The following STRIP2 variants were observed in gnomAD, a reference collection of about 807,000 sequenced individuals.
STRIP2 encodes the protein striatin-interacting protein 2.
A neutral mutation model predicts 107.1 loss-of-function variants in STRIP2; 84 were observed. That is an observed-to-expected ratio of 0.78 (90% confidence interval 0.66 to 0.94). The LOEUF is 0.94. Ranked by LOEUF, STRIP2 falls within the 40% of genes least tolerant of loss-of-function variation. The probability of loss-of-function intolerance (pLI) is 0.00; values close to 1 mark genes in which losing one functional copy is unlikely to be tolerated. For synonymous variants in STRIP2, 394 were observed against 400.4 expected (o/e 0.98, Z 0.19); for missense variants, 888 against 1,034.2 (o/e 0.86, Z 1.94).
intron 18 of STRIP2, among the ~76,000 whole-genome samples, chr7:129,477,144 C>A (rs954835617): frequency 1.5e-5 from 2 of 135,970 alleles, no homozygotes; most frequent in Non-Finnish European, 3.1e-5. Flanking sequence ...AGCTTCCGCT[C>A]GGCATCAGAG....
rs200024232 is a variant in STRIP2, at chr7:129,458,387, A to G, written c.1211A>G (p.Gln404Arg). The G allele has an allele frequency of 1.2e-4, 200 of 1,613,490 alleles. No individual in the cohort carries two copies. The highest frequency in any genetic ancestry group is 6.0e-4 in the Admixed American group (36 of 59,906). The change falls in exon 10 of 21, where the codon CAG (glutamine) becomes CGG (arginine). Residue 404 changes from glutamine (Q) to arginine (R), a missense_variant. Coordinates refer to ENST00000249344, the MANE Select transcript of STRIP2 (RefSeq NM_020704.3). This position sits in a 1 kb window ranked among gnomAD's most constrained non-coding sequence, Gnocchi z 4.6. The stretch of plus-strand genomic sequence containing the variant: ...CCTCTGGTGCCACCTCCACCCTCAC[A>G]GGCACCCCTCTCTGCTGAGCGGGTG... ...QDPLVPPPPS[Q>R]APLSAERVAF... is the part of the protein sequence containing the mutation.
chr7:129,464,121 T>C lies in STRIP2; in HGVS notation c.1629T>C (p.Asp543=). The C allele has an allele frequency of 2.5e-6, 4 of 1,612,552 alleles. No homozygotes were observed. Among genetic ancestry groups the C allele is most frequent in the South Asian group, 1.1e-5 (1 of 91,038 alleles). The change falls in exon 15 of 21, where the codon GAT becomes GAC. Residue 543 remains aspartate, a synonymous_variant. Transcript: ENST00000249344. ...CAGACTCTATCAATATCCTGGCAGA[T>C]GTCCTACCTGAGGAGATGCCGTGAG... ...AKTDSINILA[D]VLPEEMPITV... is the part of the protein sequence containing the mutation.
intron 1 of STRIP2, 44 bp downstream of exon 1, chr7:129,434,645 C>T (rs1797680539): frequency 8.4e-6 from 12 of 1,435,314 alleles, no homozygotes; most frequent in Non-Finnish European, 1.1e-5. Flanking sequence ...GAGACGCCCG[C>T]CGGCGGGAAG....
intron 2 of STRIP2, among the ~76,000 whole-genome samples, chr7:129,443,763 T>C (rs952300359): frequency 1.4e-4 from 21 of 152,248 alleles, no homozygotes; most frequent in African/African-American, 4.3e-4. Flanking sequence ...GCAGTCCTCC[T>C]CTTGGCCCTC....
Position 129,453,134 on chromosome 7 carries a change from T to C in STRIP2, c.410-93T>C, listed in dbSNP as rs554764478. On this transcript the variant is annotated intron_variant, in intron 4 of 20. Coordinates refer to ENST00000249344, the MANE Select transcript of STRIP2 (RefSeq NM_020704.3). ...ATGTCAGCCTAATTATTAGGCAGAG[T>C]ATTATAGGAAAATCTTAAGATCATG... The C allele has an allele frequency of 1.5e-4, 231 of 1,547,758 alleles. No individual in the cohort carries two copies. The African/African-American group carries it at 2.8e-3, about 19-fold the overall frequency.
chr7:129,434,503 G>C lies in STRIP2; in HGVS notation c.31G>C (p.Gly11Arg), dbSNP rs938822764. The C allele has an allele frequency of 1.7e-5, 26 of 1,518,202 alleles. No individual in the cohort carries two copies. Among genetic ancestry groups the C allele is most frequent in the Non-Finnish European group, 2.3e-5 (26 of 1,140,162 alleles). The allele number at this position is 1,518,202 out of a possible 1,614,324, so 94.0% of individuals were successfully genotyped here. A position where few individuals can be genotyped will look rare whatever the true frequency, so the allele number is the denominator to read the frequency against. The change falls in exon 1 of 21, where the codon GGC becomes CGC. Residue 11 changes from glycine to arginine, a missense_variant. Physicochemically the swap from Gly to Arg is moderately radical, Grantham distance 125. Coordinates refer to ENST00000249344, the MANE Select transcript of STRIP2 (RefSeq NM_020704.3). ...GGACCCCGCCGCGCCTGGGACCGGG[G>C]GCCCGCCCGCAAATGGCAATGGCAA... Reference protein sequence around the residue: MEDPAAPGTGGPPANGNGNGG... With the variant: MEDPAAPGTGRPPANGNGNGG...
At chr7:129,464,256 C>T (rs1390664485) in intron 15 of STRIP2, 115 bp downstream of exon 15, 35 of 809,968 alleles carry the variant, frequency 4.3e-5, no homozygotes, top group Non-Finnish European at 6.1e-5. Flanking sequence ...GAGATCTCCC[C>T]GTCTCTGCCC....
intron 1 of STRIP2, 152 bp downstream of exon 1, chr7:129,434,753 G>A (rs952598609): frequency 3.9e-6 from 4 of 1,018,682 alleles, no homozygotes; most frequent in Non-Finnish European, 5.3e-6. Flanking sequence ...GCTGAACTCT[G>A]GGCTCTTTGG....
chr7:129,443,062 CAG>C (rs536210188), intron 2 of STRIP2, among the ~76,000 whole-genome samples: 146 of 145,452 alleles, frequency 1.0e-3, no homozygotes, highest in African/African-American at 3.6e-3. Flanking sequence ...TTTTAAGAGA[CAG>C]AGTCTTATTC....
Position 129,455,313 on chromosome 7 carries a change from G to A in STRIP2, c.776G>A (p.Gly259Asp). The A allele has an allele frequency of 6.2e-7, 1 of 1,613,866 alleles. No homozygotes were observed. The highest frequency in any genetic ancestry group is 1.1e-5 in the South Asian group (1 of 91,034). Reference protein sequence around the residue: ...LFSMVTKFCSGLAPHFPIKKV... With the variant: ...LFSMVTKFCSDLAPHFPIKKV... ...TCCATGGTTACCAAGTTCTGCAGTG[G>A]CCTGGCTCCTCACTTCCCCATAAAG... The change falls in exon 8 of 21, where the codon GGC becomes GAC. Residue 259 changes from glycine (G) to aspartate (D), a missense_variant. By Grantham distance (94) the Gly-to-Asp change is moderately conservative. Coordinates refer to ENST00000249344, the MANE Select transcript of STRIP2 (RefSeq NM_020704.3).
intron 13 of STRIP2, among the ~76,000 whole-genome samples, chr7:129,462,673 T>A (rs971895077): frequency 4.6e-5 from 7 of 151,304 alleles, no homozygotes; most frequent in Admixed American, 6.6e-5. Context: ...TCTAGAGTTT[T>A]CAGCCTCAGA....
chr7:129,456,929 T>C (rs1798376060), intron 9 of STRIP2, among the ~76,000 whole-genome samples: 1 of 152,124 alleles, frequency 6.6e-6, no homozygotes, highest in African/African-American at 2.4e-5. Flanking sequence ...TTCCTTACAT[T>C]CTGAATAACA....
chr7:129,466,173 C>T (rs960927290), intron 16 of STRIP2, among the ~76,000 whole-genome samples: 2 of 152,040 alleles, frequency 1.3e-5, no homozygotes, highest in African/African-American at 4.8e-5. Flanking sequence ...CACAGCCAGA[C>T]AGGTGGATGG....
intron 18 of STRIP2, among the ~76,000 whole-genome samples, chr7:129,479,384 A>G (rs1730620830): frequency 6.6e-6 from 1 of 152,136 alleles, no homozygotes; most frequent in Non-Finnish European, 1.5e-5. Flanking sequence ...GATGCACTAC[A>G]GTAGAAAGTC....
intron 13 of STRIP2, 93 bp downstream of exon 13, chr7:129,460,465 A>G (rs774696283): frequency 7.8e-6 from 8 of 1,029,742 alleles, no homozygotes; most frequent in South Asian, 4.1e-5. Flanking sequence ...CATTCAGCAT[A>G]TTAGGCTGTA....
chr7:129,488,086 G>C lies in STRIP2; in HGVS notation c.*2257G>C, dbSNP rs985123936. 2 of 152,056 alleles carry C rather than the reference G, an allele frequency of 1.3e-5. No individual in the cohort carries two copies. The highest frequency in any genetic ancestry group is 6.6e-5 in the Admixed American group (1 of 15,262). 9.4% of individuals were successfully genotyped at this position (152,056 alleles called of 1,614,324 possible). ...GTAACCAGGTTGAATCTTCCAATTTGAGAACCCATGTATGGGTTGCAGTGA... is the reference window on the plus strand; with the variant it reads ...GTAACCAGGTTGAATCTTCCAATTTCAGAACCCATGTATGGGTTGCAGTGA... On this transcript the variant is annotated 3_prime_UTR_variant, in exon 21 of 21. Transcript: ENST00000249344.
chr7:129,470,526 A>T (rs1276536722), intron 17 of STRIP2, 123 bp from the exon 18 acceptor site: 1 of 748,746 alleles, frequency 1.3e-6, no homozygotes, highest in Non-Finnish European at 2.3e-6. Flanking sequence ...AGCTGAGGTC[A>T]CTAAGCAATT....
chr7:129,455,425 C>T, intron 8 of STRIP2, 54 bp downstream of exon 8: 2 of 1,573,172 alleles, frequency 1.3e-6, no homozygotes, highest in South Asian at 2.4e-5. Context: ...CCTATGCCAC[C>T]TCAGTTTCTT....
At chr7:129,473,472 G>T (rs753526952) in intron 18 of STRIP2, among the ~76,000 whole-genome samples, 1 of 151,818 alleles carries the variant, frequency 6.6e-6, no homozygotes, top group Non-Finnish European at 1.5e-5. Flanking sequence ...GGGCTGAAGT[G>T]ATCCTCCCAC....
Sources: gnomAD v4.1 joint callset for allele counts (sites outside exome capture counted in the v4.1 genomes callset) on GRCh38, gnomAD v4.1.1 for gene constraint, Gnocchi (gnomAD v3.1) non-coding constraint, MANE v1.5 for transcripts, NCBI Gene and HGNC (gene_info 2026-07-23, HGNC 2026-07-21) for gene names.